Variants in POU2F1 observed in about 807,000 individuals in gnomAD.
POU2F1 encodes POU class 2 homeobox 1.
POU2F1 carries 16 observed loss-of-function variants against 84.9 expected under a neutral mutation model. The observed-to-expected ratio is 0.19, with a 90% CI of 0.13 to 0.29. POU2F1 has a LOEUF of 0.29. Among genes scored for constraint, POU2F1 ranks in the 10% least tolerant of loss-of-function variants. POU2F1 has a pLI of 1.00. For synonymous variants in POU2F1, 368 were observed against 368.3 expected (o/e 1.00, Z 0.01); for missense variants, 738 against 942.6 (o/e 0.78, Z 2.84).
chr1:167,317,704 TC>T (rs1317636468), intron 1 of POU2F1, among the ~76,000 whole-genome samples: 1 of 152,186 alleles, frequency 6.6e-6, no homozygotes. Context: ...GGCCAGGTGT[TC>T]CTTGCCCTCC....
chr1:167,318,616 T>A (rs1413819425), intron 1 of POU2F1, among the ~76,000 whole-genome samples: 1 of 152,240 alleles, frequency 6.6e-6, no homozygotes, highest in Non-Finnish European at 1.5e-5. Context: ...AGAAAGCATG[T>A]GTAACTGTGT....
chr1:167,368,570 C>T (rs1571383346), intron 3 of POU2F1, among the ~76,000 whole-genome samples: 1 of 152,034 alleles, frequency 6.6e-6, no homozygotes, highest in African/African-American at 2.4e-5. Context: ...AAATTTTTAT[C>T]TTCTTCAAAT....
intron 1 of POU2F1, among the ~76,000 whole-genome samples, chr1:167,260,449 C>T (rs540903065): frequency 6.6e-6 from 1 of 152,244 alleles, no homozygotes; most frequent in African/African-American, 2.4e-5. Context: ...GCTGTCTCTT[C>T]CAGATCTTCA....
intron 2 of POU2F1, among the ~76,000 whole-genome samples, chr1:167,350,182 A>G (rs1280585690): frequency 1.3e-5 from 2 of 152,216 alleles, no homozygotes; most frequent in African/African-American, 4.8e-5. Flanking sequence ...ATTTCAGAAC[A>G]GGTGTACTAT....
intron 1 of POU2F1, among the ~76,000 whole-genome samples, chr1:167,317,680 T>A (rs968120391): frequency 6.6e-6 from 1 of 152,224 alleles, no homozygotes; most frequent in Admixed American, 6.5e-5. Flanking sequence ...TTAAGCAGTT[T>A]TCCATCCTGG....
chr1:167,348,323 T>C (rs185195849), intron 2 of POU2F1, among the ~76,000 whole-genome samples: 76 of 152,332 alleles, frequency 5.0e-4, no homozygotes, highest in African/African-American at 1.8e-3. Flanking sequence ...GAAATGTCTT[T>C]ATATGGTACG....
At chr1:167,273,214 A>G (rs1652495549) in intron 1 of POU2F1, among the ~76,000 whole-genome samples, 1 of 152,186 alleles carries the variant, frequency 6.6e-6, no homozygotes. Context: ...CTGTGGCTCT[A>G]CAGGGTACAG....
intron 1 of POU2F1, among the ~76,000 whole-genome samples, chr1:167,262,043 G>A (rs961916676): frequency 3.3e-5 from 5 of 152,180 alleles, no homozygotes; most frequent in Admixed American, 2.0e-4. Context: ...TATGTTTCGT[G>A]TACCTAAGAA....
chr1:167,317,493 G>A (rs931938925), intron 1 of POU2F1, among the ~76,000 whole-genome samples: 5 of 152,130 alleles, frequency 3.3e-5, no homozygotes, highest in African/African-American at 9.7e-5. Context: ...TGAGAGCCAC[G>A]AACAGAGCTT....
At chr1:167,233,549 A>G (rs951826605) in intron 1 of POU2F1, among the ~76,000 whole-genome samples, 1 of 152,212 alleles carries the variant, frequency 6.6e-6, no homozygotes, top group Non-Finnish European at 1.5e-5. Context: ...GCTATACCAT[A>G]TAGCTTAGGT....
At chr1:167,222,312 CT>C (rs1025559744) in intron 1 of POU2F1, among the ~76,000 whole-genome samples, 3 of 152,156 alleles carry the variant, frequency 2.0e-5, no homozygotes, top group African/African-American at 7.2e-5. Flanking sequence ...AGCTGAACCT[CT>C]TCTCATTTGA....
intron 1 of POU2F1, among the ~76,000 whole-genome samples, chr1:167,267,006 G>C (rs968917644): frequency 6.6e-6 from 1 of 152,038 alleles, no homozygotes; most frequent in Non-Finnish European, 1.5e-5. Context: ...GAAAAGTGCT[G>C]TTTCTTGGAG....
At chr1:167,339,649 A>G (rs1657704197) in intron 2 of POU2F1, among the ~76,000 whole-genome samples, 1 of 152,214 alleles carries the variant, frequency 6.6e-6, no homozygotes, top group Admixed American at 6.5e-5. Context: ...AGAACACAGT[A>G]CTTTCTAGTG....
intron 1 of POU2F1, among the ~76,000 whole-genome samples, chr1:167,260,035 C>T (rs1045238739): frequency 7.9e-5 from 12 of 152,054 alleles, no homozygotes; most frequent in Admixed American, 2.6e-4. Flanking sequence ...CCCGCCACCA[C>T]GCCCGGCAAA....
At chr1:167,344,395 G>A (rs372020141) in intron 2 of POU2F1, among the ~76,000 whole-genome samples, 1 of 152,148 alleles carries the variant, frequency 6.6e-6, no homozygotes, top group African/African-American at 2.4e-5. Flanking sequence ...TTTTAGTTAA[G>A]TGGTTTGGAA....
At chr1:167,264,066 A>G (rs1221211026) in intron 1 of POU2F1, among the ~76,000 whole-genome samples, 2 of 152,202 alleles carry the variant, frequency 1.3e-5, no homozygotes, top group Non-Finnish European at 2.9e-5. Flanking sequence ...ATTAACCACT[A>G]TATATAGTAA....
rs970543762 is a variant in POU2F1 at position 167,418,499 on chromosome 1, TAGAA to T, written c.*2690_*2693del. Reference sequence around the variant, plus strand: ...TCCCTCCCTTGGGAGTGGTGAAACTTAGAAGGAAGGATTCAGGGAGGGAAATGCT... The same window carrying T: ...TCCCTCCCTTGGGAGTGGTGAAACTTGGAAGGATTCAGGGAGGGAAATGCT... On this transcript the variant is annotated 3_prime_UTR_variant, in exon 16 of 16. Coordinates refer to ENST00000367866, the MANE Select transcript of POU2F1 (RefSeq NM_002697.4). The T allele has an allele frequency of 2.6e-5, 4 of 152,166 alleles. No individual in the cohort carries two copies. The highest frequency in any genetic ancestry group is 9.7e-5 in the African/African-American group (4 of 41,436). The allele number at this position is 152,166 out of a possible 1,614,324, so 9.4% of individuals were successfully genotyped here.
At chr1:167,325,058 T>C (rs186743426) in intron 1 of POU2F1, among the ~76,000 whole-genome samples, 32 of 152,316 alleles carry the variant, frequency 2.1e-4, no homozygotes, top group Middle Eastern at 6.8e-3. Context: ...AGTAAAATTA[T>C]TTTAGTTTGT....
chr1:167,333,066 T>C (rs1657177756), intron 2 of POU2F1, among the ~76,000 whole-genome samples: 1 of 152,206 alleles, frequency 6.6e-6, no homozygotes, highest in Non-Finnish European at 1.5e-5. Flanking sequence ...ATATTAAAAG[T>C]TATGATAGTA....
Sources: gnomAD v4.1 joint callset for allele counts (sites outside exome capture counted in the v4.1 genomes callset) on GRCh38, gnomAD v4.1.1 for gene constraint, MANE v1.5 for transcripts, NCBI Gene and HGNC (gene_info 2026-07-23, HGNC 2026-07-21) for gene names.